The following TLK1 variants were observed in gnomAD, a reference collection of about 807,000 sequenced individuals.
The protein encoded by TLK1 is tousled like kinase 1.
Under a neutral mutation model 105.3 loss-of-function variants are expected in TLK1, and 24 were observed. The observed-to-expected ratio is 0.23, with a 90% CI of 0.17 to 0.32. The LOEUF (loss-of-function observed/expected upper bound fraction) is 0.32, where lower values mean the gene tolerates loss of function less well. Ranked by LOEUF, TLK1 falls within the 10% of genes least tolerant of loss-of-function variation. The probability of loss-of-function intolerance (pLI) is 1.00; values close to 1 mark genes in which losing one functional copy is unlikely to be tolerated. For missense variants in TLK1, 558 were observed against 910.5 expected (o/e 0.61, Z 4.98); for synonymous variants, 321 against 310.4 (o/e 1.03, Z -0.36).
chr2:170,992,139 T>A lies in TLK1; in HGVS notation c.*1641A>T, dbSNP rs1683811355. The A allele has an allele frequency of 6.6e-6, 1 of 152,306 alleles. No individual in the cohort carries two copies. The highest frequency in any genetic ancestry group is 2.1e-4 in the South Asian group (1 of 4,832). The allele number at this position is 152,306 out of a possible 1,614,324, so 9.4% of individuals were successfully genotyped here. A position where few individuals can be genotyped will look rare whatever the true frequency, so the allele number is the denominator to read the frequency against. Reference sequence around the variant, plus strand: ...GTCAATATCCTACCATCTTGAAAGCTCCCTTCCAATGTAATTTTCATAGTC... The same window carrying A: ...GTCAATATCCTACCATCTTGAAAGCACCCTTCCAATGTAATTTTCATAGTC... On this transcript the variant is annotated 3_prime_UTR_variant, in exon 21 of 21. Coordinates refer to ENST00000431350, the MANE Select transcript of TLK1 (RefSeq NM_012290.5).
At chr2:171,154,284 T>C (rs987502181) in intron 1 of TLK1, 1 of 152,064 alleles carries the variant, frequency 6.6e-6, no homozygotes, top group Non-Finnish European at 1.5e-5. Context: ...AGCTACAAAC[T>C]TTCCCCTAAT....
intron 3 of TLK1, among the ~76,000 whole-genome samples, chr2:171,080,206 A>G (rs1688688186): frequency 6.6e-6 from 1 of 151,548 alleles, no homozygotes; most frequent in Admixed American, 6.6e-5. Context: ...CAAAAAAAAA[A>G]AAAAAAAGTA....
At chr2:171,068,470 T>A (rs1051858160) in intron 3 of TLK1, among the ~76,000 whole-genome samples, 2 of 152,208 alleles carry the variant, frequency 1.3e-5, no homozygotes, top group African/African-American at 4.8e-5. Flanking sequence ...ATACCCAGTT[T>A]CTTTGTTCTT....
intron 18 of TLK1, among the ~76,000 whole-genome samples, chr2:171,001,604 A>G (rs1336896452): frequency 1.3e-5 from 2 of 152,180 alleles, no homozygotes; most frequent in African/African-American, 2.4e-5. Flanking sequence ...CATTTGCATA[A>G]AACAGTAGAG....
rs1456917541 is a variant in TLK1, at chr2:170,993,218, C to A, written c.*562G>T. 1 of 152,594 alleles carries A rather than the reference C, an allele frequency of 6.6e-6. No individual in the cohort carries two copies. Among genetic ancestry groups the A allele is most frequent in the East Asian group, 1.9e-4 (1 of 5,202 alleles). 9.5% of individuals were successfully genotyped at this position (152,594 alleles called of 1,614,324 possible). On this transcript the variant is annotated 3_prime_UTR_variant, in exon 21 of 21. Coordinates refer to ENST00000431350, the MANE Select transcript of TLK1 (RefSeq NM_012290.5). Reference sequence around the variant, plus strand: ...TGAATAGGCAAATGACAAAGCCTAACTTTGTCCAAAGATTCTAACTCTCAC... The same window carrying A: ...TGAATAGGCAAATGACAAAGCCTAAATTTGTCCAAAGATTCTAACTCTCAC...
chr2:171,142,347 A>G (rs1248689742), intron 1 of TLK1, among the ~76,000 whole-genome samples: 1 of 152,240 alleles, frequency 6.6e-6, no homozygotes, highest in African/African-American at 2.4e-5. Context: ...TTCCAATTAA[A>G]GAACAAACAT....
intron 1 of TLK1, among the ~76,000 whole-genome samples, chr2:171,190,354 C>A (rs963820193): frequency 6.6e-6 from 1 of 152,192 alleles, no homozygotes; most frequent in African/African-American, 2.4e-5. Context: ...CAGGCCTCAA[C>A]ATAAAGCTTA....
intron 2 of TLK1, among the ~76,000 whole-genome samples, chr2:171,111,314 T>C (rs1690147138): frequency 1.3e-5 from 2 of 152,234 alleles, no homozygotes; most frequent in Non-Finnish European, 2.9e-5. Context: ...GGCTCACACC[T>C]GTAATTCCAT....
intron 3 of TLK1, among the ~76,000 whole-genome samples, chr2:171,062,622 G>A (rs972341163): frequency 1.3e-5 from 2 of 152,102 alleles, no homozygotes; most frequent in African/African-American, 4.8e-5. Flanking sequence ...ATAAATACAT[G>A]CATGAATATT....
At chr2:171,069,387 T>C (rs58307585) in intron 3 of TLK1, among the ~76,000 whole-genome samples, 19,155 of 152,186 alleles carry the variant, frequency 0.13, 1,675 homozygotes, top group African/African-American at 0.24. Context: ...GCTCCATTGG[T>C]AACAGGCTAA....
intron 1 of TLK1, among the ~76,000 whole-genome samples, chr2:171,125,869 TAA>T (rs1690847171): frequency 6.6e-6 from 1 of 152,212 alleles, no homozygotes; most frequent in Non-Finnish European, 1.5e-5. Context: ...TAAAAATAGG[TAA>T]GTTTGCTTAC....
At chr2:171,213,773 A>C (rs1414467022) in intron 1 of TLK1, among the ~76,000 whole-genome samples, 1 of 145,754 alleles carries the variant, frequency 6.9e-6, no homozygotes, top group Non-Finnish European at 1.5e-5. Flanking sequence ...CCCATGCTAG[A>C]ATGCTATGGC....
rs530324361 is a variant in TLK1 at position 171,097,510 on chromosome 2, G to C, written c.259-14658C>G. On this transcript the variant is annotated intron_variant, in intron 2 of 20. Transcript: ENST00000431350. ...ACTAAAAAGCTTATGCACAGAAGAA[G>C]AACCAATCAACACAGTAAAGAGACA... is the stretch of plus-strand genomic sequence containing the variant. Among the ~76,000 whole-genome samples the C allele has an allele frequency of 4.6e-5, 7 of 152,212 alleles. No homozygotes were observed. In the East Asian group the frequency reaches 5.8e-4, roughly 13 times the overall value.
At chr2:171,127,647 T>C (rs907181282) in intron 1 of TLK1, among the ~76,000 whole-genome samples, 3 of 152,158 alleles carry the variant, frequency 2.0e-5, no homozygotes, top group Non-Finnish European at 4.4e-5. Flanking sequence ...AATATTAACA[T>C]TTAGAACATT....
intron 1 of TLK1, among the ~76,000 whole-genome samples, chr2:171,135,659 G>A (rs554346481): frequency 2.8e-4 from 43 of 152,058 alleles, no homozygotes; most frequent in Non-Finnish European, 2.5e-4. Flanking sequence ...AAAATTAGCC[G>A]GGAGTGGTGG....
intron 1 of TLK1, among the ~76,000 whole-genome samples, chr2:171,136,894 A>C (rs955601976): frequency 6.6e-6 from 1 of 152,260 alleles, no homozygotes; most frequent in Non-Finnish European, 1.5e-5. Context: ...GATTAGTAAA[A>C]TCAATATGAA....
At chr2:171,216,863 C>A (rs560127563) in intron 1 of TLK1, among the ~76,000 whole-genome samples, 1 of 152,126 alleles carries the variant, frequency 6.6e-6, no homozygotes. Context: ...AGACAGCCAG[C>A]GAACCATCAG....
chr2:171,184,999 C>T (rs1223916607), intron 1 of TLK1, among the ~76,000 whole-genome samples: 3 of 152,044 alleles, frequency 2.0e-5, no homozygotes, highest in African/African-American at 7.2e-5. Flanking sequence ...CCACCATGCC[C>T]AGCTAATTTT....
chr2:171,055,203 CAAAAAAAA>C, intron 6 of TLK1, 31 bp from the exon 7 acceptor site: 6 of 516,156 alleles, frequency 1.2e-5, no homozygotes, highest in Non-Finnish European at 1.1e-5. Context: ...TTTATATTAG[CAAAAAAAA>C]AAAAAAAAAA....
Sources: allele counts gnomAD v4.1 joint callset (sites outside exome capture counted in the v4.1 genomes callset), GRCh38; gene constraint gnomAD v4.1.1; transcripts MANE v1.5; gene names NCBI Gene and HGNC (gene_info 2026-07-23, HGNC 2026-07-21).